RGS20: variants seen among roughly 807,000 people sequenced by gnomAD.
The protein encoded by RGS20 is regulator of G protein signaling 20.
Under a neutral mutation model 33.6 loss-of-function variants are expected in RGS20, and 30 were observed. The ratio of observed to expected loss-of-function variants is 0.89; its 90% CI spans 0.67 to 1.21. The LOEUF (loss-of-function observed/expected upper bound fraction) is 1.21, where lower values mean the gene tolerates loss of function less well. Among genes scored for constraint, RGS20 ranks in the 50% most tolerant of loss-of-function variants. The pLI is 0.00. For missense variants in RGS20, 472 were observed against 502.4 expected, an observed-to-expected ratio of 0.94 and a Z score of 0.58; for synonymous variants, 208 against 197.9, an observed-to-expected ratio of 1.05 and a Z score of -0.43.
chr8:53,941,353 T>C (rs1814292708), intron 3 of RGS20, among the ~76,000 whole-genome samples: 1 of 151,940 alleles, frequency 6.6e-6, no homozygotes. Context: ...GTGGGTAAAA[T>C]AAGACATTCT....
intron 2 of RGS20, among the ~76,000 whole-genome samples, chr8:53,895,689 G>A (rs1469764800): frequency 6.6e-6 from 1 of 150,440 alleles, no homozygotes; most frequent in Non-Finnish European, 1.5e-5. Context: ...CTGTTGCCCA[G>A]GCTGGAGTGC....
chr8:53,951,630 C>A (rs1247534449), intron 4 of RGS20, among the ~76,000 whole-genome samples: 1 of 152,042 alleles, frequency 6.6e-6, no homozygotes, highest in Non-Finnish European at 1.5e-5. Context: ...GATAACTGAC[C>A]AAGCATTACC....
At chr8:53,878,548 C>A (rs1812259017) in intron 1 of RGS20, among the ~76,000 whole-genome samples, 1 of 152,136 alleles carries the variant, frequency 6.6e-6, no homozygotes, top group African/African-American at 2.4e-5. Context: ...GAAAGGAGGT[C>A]TGCAGAGGGT....
chr8:53,930,552 T>C (rs1813925141), intron 2 of RGS20, among the ~76,000 whole-genome samples: 1 of 152,174 alleles, frequency 6.6e-6, no homozygotes, highest in Non-Finnish European at 1.5e-5. Context: ...GTTTTGTTTT[T>C]TGTTTTTTGT....
chr8:53,928,129 A>G (rs1406142470), intron 2 of RGS20, among the ~76,000 whole-genome samples: 1 of 152,242 alleles, frequency 6.6e-6, no homozygotes, highest in African/African-American at 2.4e-5. Flanking sequence ...GAAATTTCCA[A>G]CCACACAAAT....
At chr8:53,884,965 T>A (rs1812497947) in intron 2 of RGS20, among the ~76,000 whole-genome samples, 1 of 152,220 alleles carries the variant, frequency 6.6e-6, no homozygotes, top group African/African-American at 2.4e-5. Flanking sequence ...ATTCTATTAA[T>A]CTCCTGTAGC....
intron 2 of RGS20, among the ~76,000 whole-genome samples, chr8:53,935,783 G>A (rs1814112497): frequency 1.3e-5 from 2 of 152,074 alleles, no homozygotes; most frequent in Admixed American, 1.3e-4. Context: ...AAACCTGCCA[G>A]AGACACAACA....
At chr8:53,888,840 G>A (rs1246327214) in intron 2 of RGS20, among the ~76,000 whole-genome samples, 1 of 152,086 alleles carries the variant, frequency 6.6e-6, no homozygotes, top group Non-Finnish European at 1.5e-5. Flanking sequence ...TTTGCATCTG[G>A]TTCTTTAGCT....
chr8:53,853,652 G>A (rs145933279), intron 1 of RGS20, among the ~76,000 whole-genome samples: 145 of 152,320 alleles, frequency 9.5e-4, no homozygotes, highest in African/African-American at 3.4e-3. Flanking sequence ...TTTTGAGTCT[G>A]CAGATACCAT....
intron 2 of RGS20, among the ~76,000 whole-genome samples, chr8:53,907,666 G>A (rs1390020803): frequency 6.6e-6 from 1 of 151,962 alleles, no homozygotes; most frequent in Non-Finnish European, 1.5e-5. Flanking sequence ...GGAGTGGCGG[G>A]GCAGGTAATG....
chr8:53,888,767 T>C (rs2220093), intron 2 of RGS20, among the ~76,000 whole-genome samples: 42,596 of 152,158 alleles, frequency 0.28, 9,751 homozygotes, highest in African/African-American at 0.62. Context: ...TTTATAACTT[T>C]TTTCACCATA....
chr8:53,853,521 G>T (rs1406739596), intron 1 of RGS20, among the ~76,000 whole-genome samples: 3 of 152,180 alleles, frequency 2.0e-5, no homozygotes, highest in African/African-American at 7.2e-5. Flanking sequence ...CAGTTGGGAT[G>T]CTACTGGCTC....
chr8:53,881,355 C>G (rs1171243542), intron 2 of RGS20, among the ~76,000 whole-genome samples: 1 of 151,982 alleles, frequency 6.6e-6, no homozygotes, highest in Non-Finnish European at 1.5e-5. Context: ...GTCCGCGATT[C>G]CACCTCTGCG....
intron 1 of RGS20, among the ~76,000 whole-genome samples, chr8:53,869,923 C>T (rs1812021088): frequency 6.6e-6 from 1 of 152,142 alleles, no homozygotes; most frequent in Admixed American, 6.5e-5. Flanking sequence ...TTGCAATGGC[C>T]AGGACTTGTG....
chr8:53,911,937 T>C (rs1813358413), intron 2 of RGS20, among the ~76,000 whole-genome samples: 1 of 152,074 alleles, frequency 6.6e-6, no homozygotes, highest in Non-Finnish European at 1.5e-5. Context: ...TGAGATTCTG[T>C]GTCAAAAAAT....
intron 1 of RGS20, among the ~76,000 whole-genome samples, chr8:53,858,715 C>G (rs534328441): frequency 3.5e-4 from 53 of 151,866 alleles, no homozygotes; most frequent in Non-Finnish European, 4.0e-4. Flanking sequence ...GTTTTAGAAA[C>G]AATTGAGACG....
At position 53,879,407 on chromosome 8, in the gene RGS20, C is replaced by T. The variant is rs778134835; in HGVS notation, c.315C>T (p.Ser105=). 2.8e-5 allele frequency: 45 copies of T among 1,609,612 alleles called. No homozygotes were observed. Among genetic ancestry groups the T allele is most frequent in the Non-Finnish European group, 3.7e-5 (44 of 1,178,952 alleles). Reference sequence around the variant, plus strand: ...CTCCCCGGAGGCGCCTGGACTTCTCCCCCCTGCTTCCCGCCCTGCCGGCCG... The same window carrying T: ...CTCCCCGGAGGCGCCTGGACTTCTCTCCCCTGCTTCCCGCCCTGCCGGCCG... The change falls in exon 2 of 6, where the codon TCC becomes TCT. Residue 105 remains serine (S), a synonymous_variant. Coordinates refer to ENST00000297313, the MANE Select transcript of RGS20 (RefSeq NM_170587.4).
chr8:53,878,797 G>C (rs1812264497), intron 1 of RGS20, among the ~76,000 whole-genome samples: 1 of 152,192 alleles, frequency 6.6e-6, no homozygotes, highest in South Asian at 2.1e-4. Flanking sequence ...AGATGGGAAA[G>C]GGCAGGGGGA....
At chr8:53,900,620 A>AT (rs543538988) in intron 2 of RGS20, among the ~76,000 whole-genome samples, 146 of 152,310 alleles carry the variant, frequency 9.6e-4, no homozygotes, top group African/African-American at 3.1e-3. Context: ...TTTCACATAC[A>AT]TTCTCTCATT....
Sources: gnomAD v4.1 joint callset for allele counts (sites outside exome capture counted in the v4.1 genomes callset) on GRCh38, gnomAD v4.1.1 for gene constraint, MANE v1.5 for transcripts, NCBI Gene and HGNC (gene_info 2026-07-23, HGNC 2026-07-21) for gene names.